The following KTN1 variants were observed in gnomAD, a reference collection of about 807,000 sequenced individuals.
The protein encoded by KTN1 is kinectin.
A neutral mutation model predicts 222.5 loss-of-function variants in KTN1; 130 were observed. The observed-to-expected ratio is 0.58, with a 90% CI of 0.51 to 0.68. KTN1 has a LOEUF of 0.68. Among genes scored for constraint, KTN1 ranks in the 30% least tolerant of loss-of-function variants. The pLI is 0.00. For synonymous variants in KTN1, 512 were observed against 496.3 expected (o/e 1.03, Z -0.42); for missense variants, 1,508 against 1,500.4 (o/e 1.01, Z -0.08).
intron 43 of KTN1, chr14:55,680,722 C>T (rs1392520550): frequency 1.5e-6 from 2 of 1,365,722 alleles, no homozygotes; most frequent in Non-Finnish European, 9.8e-7. Context: ...CACATGCTCT[C>T]CTTCAAAATG....
In KTN1 at chr14:55,613,152, C is replaced by T. The variant is rs548546950; in HGVS notation, c.523+581C>T. ...GCTACAGAGATGAATAGTGCGTTTTCGAGGTAGTCGTGTGCTAGCTGTAGA... is the reference window on the plus strand; with the variant it reads ...GCTACAGAGATGAATAGTGCGTTTTTGAGGTAGTCGTGTGCTAGCTGTAGA... On this transcript the variant is annotated intron_variant, in intron 2 of 43. Coordinates refer to ENST00000395314, the MANE Select transcript of KTN1 (RefSeq NM_001079521.2). Among the ~76,000 whole-genome samples the T allele has an allele frequency of 1.1e-3, 175 of 152,234 alleles. 1 individual carries two copies. Among genetic ancestry groups the T allele is most frequent in the Non-Finnish European group, 1.7e-3 (117 of 68,026 alleles).
rs148979355 is a variant in KTN1 at position 55,588,357 on chromosome 14, A to G, written c.-31+8003A>G. ...TGTAACTGCAGACCTCAGTCTAAGT[A>G]CATATCAAGTAATTCAACTTTTCCT... On this transcript the variant is annotated intron_variant, in intron 1 of 43. Transcript: ENST00000395314. 3.7e-4 allele frequency among the ~76,000 whole-genome samples: 57 copies of G among 152,326 alleles called. 1 individual carries two copies. In the East Asian group the frequency reaches 0.011, roughly 29 times the overall value.
intron 2 of KTN1, 101 bp from the exon 3 acceptor site, chr14:55,616,416 T>A: frequency 9.0e-7 from 1 of 1,108,976 alleles, no homozygotes; most frequent in East Asian, 2.5e-5. Context: ...AGACTTTAAA[T>A]TTTTAGTGGT....
At chr14:55,647,323 TTTAAAATGATTAGAAATAATATCATTA>T (rs1317449998) in intron 19 of KTN1, among the ~76,000 whole-genome samples, 1 of 152,126 alleles carries the variant, frequency 6.6e-6, no homozygotes, top group Admixed American at 6.5e-5. Context: ...AGTTGATCCA[TTTAAAATGATTAGAAATAATATCATTA>T]ACTGCTGGGC....
chr14:55,608,394 G>C (rs2037050609), intron 1 of KTN1, among the ~76,000 whole-genome samples: 2 of 152,132 alleles, frequency 1.3e-5, no homozygotes, highest in African/African-American at 4.8e-5. Flanking sequence ...AGGCAAATGA[G>C]ACTGTCCCCA....
chr14:55,617,994 C>T lies in KTN1; in HGVS notation c.692C>T (p.Thr231Ile). 1 of 1,599,770 alleles carries T rather than the reference C, an allele frequency of 6.3e-7. No individual in the cohort carries two copies. The highest frequency in any genetic ancestry group is 8.5e-7 in the Non-Finnish European group (1 of 1,174,686). ...VFVDEPLIHA[T>I]TYIPLMDNAD... ...GTAGATGAACCCCTTATTCATGCAA[C>T]TACTTATATTCCTTTGATGGATAAT... The change falls in exon 4 of 44, where the codon ACT (threonine) becomes ATT (isoleucine). Residue 231 changes from threonine to isoleucine, a missense_variant. By Grantham distance (89) the Thr-to-Ile change is moderately conservative. Coordinates refer to ENST00000395314, the MANE Select transcript of KTN1 (RefSeq NM_001079521.2).
intron 14 of KTN1, 136 bp downstream of exon 14, chr14:55,640,139 C>G (rs2041620057): frequency 5.9e-6 from 4 of 675,632 alleles, no homozygotes; most frequent in Admixed American, 3.0e-5. Context: ...TTTTTCTAAA[C>G]TACAAAATTC....
intron 41 of KTN1, among the ~76,000 whole-genome samples, chr14:55,677,474 A>T (rs28476712): frequency 1.2e-4 from 10 of 84,282 alleles, no homozygotes; most frequent in Admixed American, 2.3e-4. Context: ...AAGACTGTCT[A>T]AAAAAAAAAA....
intron 24 of KTN1, chr14:55,651,198 C>A: frequency 2.2e-6 from 1 of 452,120 alleles, no homozygotes. Context: ...AAGCACTGTA[C>A]TCGTGATTGG....
At chr14:55,616,752 A>C in intron 3 of KTN1, 98 bp downstream of exon 3, 1 of 902,756 alleles carries the variant, frequency 1.1e-6, no homozygotes, top group Non-Finnish European at 1.7e-6. Context: ...CTCCCAGTTT[A>C]ATGTGTGCTA....
chr14:55,604,130 A>G (rs1019101495), intron 1 of KTN1, among the ~76,000 whole-genome samples: 9 of 152,198 alleles, frequency 5.9e-5, no homozygotes, highest in Non-Finnish European at 1.0e-4. Flanking sequence ...AAGAAACTAC[A>G]TGAATTGTTA....
At chr14:55,650,707 T>TC in intron 24 of KTN1, 70 bp downstream of exon 24, 5 of 1,209,738 alleles carry the variant, frequency 4.1e-6, no homozygotes, top group Non-Finnish European at 6.0e-6. Flanking sequence ...TGATTTTTTT[T>TC]CTTGTTACTC....
At chr14:55,643,539 T>C (rs1282967349) in intron 18 of KTN1, among the ~76,000 whole-genome samples, 1 of 152,190 alleles carries the variant, frequency 6.6e-6, no homozygotes, top group Non-Finnish European at 1.5e-5. Context: ...GTATGAAGTT[T>C]TAAACTTTAA....
At position 55,665,827 on chromosome 14, in the gene KTN1, A is replaced by T. The variant is rs191736016; in HGVS notation, c.3178-1414A>T. Among the ~76,000 whole-genome samples, 12 of 152,072 alleles carry T rather than the reference A, an allele frequency of 7.9e-5. No individual in the cohort carries two copies. The East Asian group carries it at 2.3e-3, about 29-fold the overall frequency. ...AACCAAACTACTGTGTCAGATGAAA[A>T]CTACTTAGCTAAAATTGTTAATACC... On this transcript the variant is annotated intron_variant, in intron 33 of 43. Coordinates refer to ENST00000395314, the MANE Select transcript of KTN1 (RefSeq NM_001079521.2).
At chr14:55,600,337 C>A (rs942348546) in intron 1 of KTN1, among the ~76,000 whole-genome samples, 13 of 151,856 alleles carry the variant, frequency 8.6e-5, no homozygotes, top group African/African-American at 3.1e-4. Context: ...GTAAGTTTTT[C>A]TATTTGCTGC....
intron 43 of KTN1, 120 bp from the exon 44 acceptor site, chr14:55,683,979 A>AT (rs2046582237): frequency 1.4e-6 from 1 of 690,148 alleles, no homozygotes. Context: ...CTTTGAGTCT[A>AT]TTTGAAAGGG....
intron 41 of KTN1, among the ~76,000 whole-genome samples, chr14:55,678,143 A>G (rs981389424): frequency 2.8e-4 from 43 of 152,342 alleles, no homozygotes; most frequent in Admixed American, 7.2e-4. Context: ...ATTTCTTTGT[A>G]TAGTTTCTGC....
chr14:55,651,423 A>G (rs538308323), intron 24 of KTN1: 15 of 454,890 alleles, frequency 3.3e-5, no homozygotes, highest in East Asian at 6.9e-5. Context: ...AAAGGACATC[A>G]TAGAGTACTG....
intron 1 of KTN1, among the ~76,000 whole-genome samples, chr14:55,596,708 G>A (rs780020514): frequency 1.3e-5 from 2 of 151,990 alleles, no homozygotes; most frequent in Non-Finnish European, 2.9e-5. Context: ...TTTTCTTGGC[G>A]TTAGCTCCCT....
Sources: allele counts gnomAD v4.1 joint callset (sites outside exome capture counted in the v4.1 genomes callset), GRCh38; gene constraint gnomAD v4.1.1; transcripts MANE v1.5; gene names NCBI Gene and HGNC (gene_info 2026-07-23, HGNC 2026-07-21).